Variants in LYPLAL1 observed in about 807,000 individuals in gnomAD.
LYPLAL1 encodes the protein lysophospholipase-like protein 1.
LYPLAL1 carries 23 observed loss-of-function variants against 19.7 expected under a neutral mutation model. The observed-to-expected ratio is 1.17, with a 90% confidence interval of 0.84 to 1.65. The LOEUF (loss-of-function observed/expected upper bound fraction) is 1.65, where lower values mean the gene tolerates loss of function less well. LYPLAL1 is among the 40% of genes most tolerant of loss of function. The pLI, the probability that LYPLAL1 is intolerant of heterozygous loss-of-function variation, is 0.00. For synonymous variants in LYPLAL1, 119 were observed against 96.3 expected, an observed-to-expected ratio of 1.24 and a Z score of -1.38; for missense variants, 355 against 279.4, an observed-to-expected ratio of 1.27 and a Z score of -1.93.
At chr1:219,353,715 AC>A in the LYPLAL1 span, among the ~76,000 whole-genome samples, 1 of 152,242 alleles carries the variant, frequency 6.6e-6, no homozygotes, top group Admixed American at 6.5e-5. Flanking sequence ...ACACTGGACA[AC>A]ACAAAAATCA....
At chr1:219,290,997 T>A in the LYPLAL1 span, among the ~76,000 whole-genome samples, 6 of 152,220 alleles carry the variant, frequency 3.9e-5, no homozygotes, top group African/African-American at 1.4e-4. Flanking sequence ...TCAATCAAGT[T>A]ACTTAGTATC....
At position 219,212,228 on chromosome 1, in the gene LYPLAL1, A is replaced by T. The variant is rs1040078231; in HGVS notation, c.*500A>T. ...GAGAAGTTGTTACTGGTATTTAATA[A>T]TAGCAATAGAGGAGTTAAAGACTTT... On this transcript the variant is annotated 3_prime_UTR_variant, in exon 5 of 5. Coordinates refer to ENST00000366928, the MANE Select transcript of LYPLAL1 (RefSeq NM_138794.5). 6.6e-6 allele frequency: 1 copy of T among 152,262 alleles called. No homozygotes were observed. The highest frequency in any genetic ancestry group is 2.4e-5 in the African/African-American group (1 of 41,432). 9.4% of individuals were successfully genotyped at this position (152,262 alleles called of 1,614,324 possible). A position where few individuals can be genotyped will look rare whatever the true frequency, so the allele number is the denominator to read the frequency against.
At chr1:219,194,977 CAGAT>C (rs1222140293) in intron 3 of LYPLAL1, among the ~76,000 whole-genome samples, 4 of 152,156 alleles carry the variant, frequency 2.6e-5, no homozygotes, top group Admixed American at 6.6e-5. Flanking sequence ...CCTGTTGACT[CAGAT>C]AGCCACAGTA....
chr1:219,388,519 G>T, the LYPLAL1 span, among the ~76,000 whole-genome samples: 2 of 152,100 alleles, frequency 1.3e-5, no homozygotes, highest in Admixed American at 1.3e-4. Flanking sequence ...AGAGAGGACT[G>T]TCTATCACTG....
the LYPLAL1 span, among the ~76,000 whole-genome samples, chr1:219,398,544 C>G: frequency 6.6e-6 from 1 of 152,248 alleles, no homozygotes; most frequent in Middle Eastern, 3.4e-3. Context: ...ATTCTGAATT[C>G]TATTTTGGTC....
the LYPLAL1 span, among the ~76,000 whole-genome samples, chr1:219,258,065 C>G: frequency 1.3e-5 from 2 of 151,996 alleles, no homozygotes; most frequent in Non-Finnish European, 2.9e-5. Context: ...AAATATGGCT[C>G]TATTCTGCTC....
At chr1:219,389,575 T>C in the LYPLAL1 span, among the ~76,000 whole-genome samples, 6 of 152,218 alleles carry the variant, frequency 3.9e-5, no homozygotes, top group African/African-American at 1.2e-4. Flanking sequence ...CTGGGCTGGC[T>C]ATTTGCCAAA....
the LYPLAL1 span, among the ~76,000 whole-genome samples, chr1:219,245,029 TTTC>T: frequency 3.3e-5 from 5 of 151,000 alleles, no homozygotes; most frequent in South Asian, 2.1e-4. Flanking sequence ...CCTCCCTCTT[TTTC>T]TTTTTTCCTT....
At chr1:219,227,309 C>CT in the LYPLAL1 span, among the ~76,000 whole-genome samples, 2 of 152,144 alleles carry the variant, frequency 1.3e-5, no homozygotes, top group Non-Finnish European at 2.9e-5. Flanking sequence ...GACTTCCCAC[C>CT]ACTCTGCTTC....
the LYPLAL1 span, among the ~76,000 whole-genome samples, chr1:219,234,692 A>G: frequency 6.6e-6 from 1 of 152,150 alleles, no homozygotes; most frequent in African/African-American, 2.4e-5. Flanking sequence ...CGAGACATTC[A>G]TGCCATTCCT....
the LYPLAL1 span, among the ~76,000 whole-genome samples, chr1:219,258,943 A>G: frequency 6.6e-6 from 1 of 152,092 alleles, no homozygotes; most frequent in Non-Finnish European, 1.5e-5. Context: ...AATCCCATCA[A>G]AAAGTGGGCT....
the LYPLAL1 span, among the ~76,000 whole-genome samples, chr1:219,412,981 T>A: frequency 0.26 from 39,884 of 152,062 alleles, 5,817 homozygotes; most frequent in East Asian, 0.53. Context: ...TCCAATCTAT[T>A]TGTGATTGCA....
chr1:219,428,601 G>A, the LYPLAL1 span, among the ~76,000 whole-genome samples: 1 of 152,090 alleles, frequency 6.6e-6, no homozygotes, highest in Non-Finnish European at 1.5e-5. Flanking sequence ...CATTGGAAAT[G>A]GGCACAAATA....
At chr1:219,253,610 C>T in the LYPLAL1 span, among the ~76,000 whole-genome samples, 1 of 91,846 alleles carries the variant, frequency 1.1e-5, no homozygotes, top group South Asian at 3.3e-4. Context: ...ATAGTCTTTA[C>T]TTCTATTTTT....
the LYPLAL1 span, among the ~76,000 whole-genome samples, chr1:219,301,606 A>G: frequency 6.6e-6 from 1 of 152,214 alleles, no homozygotes; most frequent in Non-Finnish European, 1.5e-5. Context: ...GAGACATGGA[A>G]AAAGACAAGT....
Position 219,195,614 on chromosome 1 carries a change from A to G in LYPLAL1, c.361+2363A>G, listed in dbSNP as rs558587005. ...TTTATCTAGTTCATCTTTGAGTACTAGAGATATTATGGATTTTCTGCAGTA... is the reference window on the plus strand; with the variant it reads ...TTTATCTAGTTCATCTTTGAGTACTGGAGATATTATGGATTTTCTGCAGTA... On this transcript the variant is annotated intron_variant, in intron 3 of 4. Coordinates refer to ENST00000366928, the MANE Select transcript of LYPLAL1 (RefSeq NM_138794.5). 2.6e-5 allele frequency among the ~76,000 whole-genome samples: 4 copies of G among 152,170 alleles called. No homozygotes were observed. The East Asian group carries it at 5.8e-4, about 22-fold the overall frequency.
At chr1:219,186,053 A>G (rs1656696858) in intron 2 of LYPLAL1, among the ~76,000 whole-genome samples, 2 of 151,964 alleles carry the variant, frequency 1.3e-5, no homozygotes, top group South Asian at 4.1e-4. Flanking sequence ...TCTGGGACCT[A>G]TATAACCCCA....
At chr1:219,336,608 C>G in the LYPLAL1 span, among the ~76,000 whole-genome samples, 1 of 151,886 alleles carries the variant, frequency 6.6e-6, no homozygotes, top group South Asian at 2.1e-4. Flanking sequence ...GTACAAAGTC[C>G]TTTACATGCC....
the LYPLAL1 span, among the ~76,000 whole-genome samples, chr1:219,412,502 G>A: frequency 6.6e-6 from 1 of 152,132 alleles, no homozygotes; most frequent in Admixed American, 6.5e-5. Context: ...AGAGTAAATG[G>A]TATACTGTGA....
Sources: gnomAD v4.1 joint callset for allele counts (sites outside exome capture counted in the v4.1 genomes callset) on GRCh38, gnomAD v4.1.1 for gene constraint, MANE v1.5 for transcripts, NCBI Gene and HGNC (gene_info 2026-07-23, HGNC 2026-07-21) for gene names.